Variants in PTPRD observed in about 807,000 individuals in gnomAD.
PTPRD encodes receptor-type tyrosine-protein phosphatase delta.
PTPRD carries 34 observed loss-of-function variants against 214.5 expected under a neutral mutation model. The observed-to-expected ratio is 0.16, with a 90% CI of 0.12 to 0.21. The LOEUF (loss-of-function observed/expected upper bound fraction) is 0.21, where lower values mean the gene tolerates loss of function less well. PTPRD is among the 10% of genes least tolerant of loss of function. PTPRD has a pLI of 1.00. For synonymous variants in PTPRD, 1,128 were observed against 845.7 expected (o/e 1.33, Z -5.79); for missense variants, 2,545 against 2,398.7 (o/e 1.06, Z -1.27).
chr9:9,696,542 A>G (rs145846847), intron 7 of PTPRD, among the ~76,000 whole-genome samples: 1 of 152,214 alleles, frequency 6.6e-6, no homozygotes, highest in African/African-American at 2.4e-5. Context: ...TCATCCTTTT[A>G]TCATTATGTA....
Position 9,674,113 on chromosome 9 carries a change from T to C in PTPRD, c.-287+60420A>G, listed in dbSNP as rs550669217. Among the ~76,000 whole-genome samples the C allele has an allele frequency of 3.2e-4, 49 of 151,924 alleles. No homozygotes were observed. In the South Asian group the frequency reaches 3.5e-3, roughly 11 times the overall value. ...AATTCATAAATATGTAGATAAATAC[T>C]GTCTGTGTAAAATAGTATATTTGAT... On this transcript the variant is annotated intron_variant, in intron 7 of 45. Coordinates refer to ENST00000381196, the MANE Select transcript of PTPRD (RefSeq NM_002839.4).
chr9:9,886,226 A>G (rs371777690), intron 5 of PTPRD, among the ~76,000 whole-genome samples: 174 of 152,224 alleles, frequency 1.1e-3, no homozygotes, highest in South Asian at 7.9e-3. Flanking sequence ...GTCTGGCTGC[A>G]TATCAGAATT....
intron 5 of PTPRD, among the ~76,000 whole-genome samples, chr9:9,904,234 G>A (rs1209920892): frequency 6.6e-6 from 1 of 152,004 alleles, no homozygotes; most frequent in Non-Finnish European, 1.5e-5. Flanking sequence ...CCAAACGTTT[G>A]ATGAACTACA....
At chr9:9,838,446 T>C (rs2057428208) in intron 5 of PTPRD, among the ~76,000 whole-genome samples, 1 of 152,142 alleles carries the variant, frequency 6.6e-6, no homozygotes, top group African/African-American at 2.4e-5. Context: ...TCCTGACTTT[T>C]TAATGATTGC....
intron 39 of PTPRD, among the ~76,000 whole-genome samples, chr9:8,362,130 G>A (rs2078659193): frequency 6.6e-6 from 1 of 152,214 alleles, no homozygotes; most frequent in Non-Finnish European, 1.5e-5. Flanking sequence ...TGACTTACAT[G>A]TAGAATTATT....
intron 13 of PTPRD, among the ~76,000 whole-genome samples, chr9:8,635,176 C>T (rs1195869075): frequency 2.0e-5 from 3 of 149,686 alleles, no homozygotes; most frequent in Non-Finnish European, 4.4e-5. Context: ...ATTCATTTAC[C>T]CCAAAGGTGT....
At chr9:8,694,835 C>A (rs1231193983) in intron 12 of PTPRD, among the ~76,000 whole-genome samples, 1 of 151,892 alleles carries the variant, frequency 6.6e-6, no homozygotes, top group Non-Finnish European at 1.5e-5. Context: ...CTTTGTTGTT[C>A]TCTTTCTTAC....
chr9:10,436,317 GCA>G (rs1012816715), intron 2 of PTPRD, among the ~76,000 whole-genome samples: 2 of 151,554 alleles, frequency 1.3e-5, no homozygotes, highest in African/African-American at 4.8e-5. Flanking sequence ...GTCCACATTA[GCA>G]TTAGAAATAA....
chr9:9,914,588 G>C (rs531219543), intron 5 of PTPRD, among the ~76,000 whole-genome samples: 7 of 152,240 alleles, frequency 4.6e-5, no homozygotes, highest in African/African-American at 1.7e-4. Flanking sequence ...GAACAGCTGA[G>C]GGCCTGCGTT....
intron 12 of PTPRD, among the ~76,000 whole-genome samples, chr9:8,653,627 C>G (rs933173597): frequency 1.3e-5 from 2 of 152,134 alleles, no homozygotes; most frequent in African/African-American, 2.4e-5. Context: ...TCTACAGCCT[C>G]AACTATACCC....
intron 11 of PTPRD, among the ~76,000 whole-genome samples, chr9:8,855,196 T>A (rs891641433): frequency 6.6e-6 from 1 of 151,934 alleles, no homozygotes; most frequent in African/African-American, 2.4e-5. Flanking sequence ...ACCTCCTGGA[T>A]ATAAGAACAG....
At chr9:9,846,985 T>TA (rs2059657195) in intron 5 of PTPRD, among the ~76,000 whole-genome samples, 1 of 152,050 alleles carries the variant, frequency 6.6e-6, no homozygotes, top group Admixed American at 6.6e-5. Context: ...AAAATATATA[T>TA]TTTTTTGAGT....
chr9:10,024,900 G>T (rs959535331), intron 4 of PTPRD, among the ~76,000 whole-genome samples: 1 of 150,860 alleles, frequency 6.6e-6, no homozygotes, highest in Admixed American at 6.6e-5. Flanking sequence ...CTGTCCGTGC[G>T]ATAGTTTGCT....
chr9:8,659,823 C>G (rs1008576271), intron 12 of PTPRD, among the ~76,000 whole-genome samples: 1 of 152,130 alleles, frequency 6.6e-6, no homozygotes. Flanking sequence ...TCAACGTTCT[C>G]TAAATTATTA....
rs969648345 is a variant in PTPRD, at chr9:10,387,652, T to C, written c.-599-46635A>G. Among the ~76,000 whole-genome samples, 2 of 151,906 alleles carry C rather than the reference T, an allele frequency of 1.3e-5. 1 individual carries two copies. Among genetic ancestry groups the C allele is most frequent in the South Asian group, 4.1e-4 (2 of 4,820 alleles). ...ATTACTTAAACCATACTTTGTGTCA[T>C]TGTACAATTCACTCTGAGAACTTGG... On this transcript the variant is annotated intron_variant, in intron 2 of 45. Coordinates refer to ENST00000381196, the MANE Select transcript of PTPRD (RefSeq NM_002839.4).
chr9:10,268,040 G>C (rs1033525124), intron 3 of PTPRD, among the ~76,000 whole-genome samples: 1 of 151,480 alleles, frequency 6.6e-6, no homozygotes, highest in African/African-American at 2.4e-5. Context: ...CAGTACTTTG[G>C]GATGCTGTGG....
chr9:10,257,160 T>C (rs2093345669), intron 3 of PTPRD, among the ~76,000 whole-genome samples: 2 of 152,234 alleles, frequency 1.3e-5, no homozygotes, highest in South Asian at 4.1e-4. Flanking sequence ...GATAAATTAA[T>C]GACTGAAGAA....
At chr9:9,328,618 C>CTTTTTTTTTTTTTTTTTGTTTTTTT (rs2041041141) in intron 9 of PTPRD, among the ~76,000 whole-genome samples, 1 of 28,214 alleles carries the variant, frequency 3.5e-5, no homozygotes, top group Non-Finnish European at 6.5e-5. Context: ...GTTGTTCTTG[C>CTTTTTTTTTTTTTTTTTGTTTTTTT]TTTTTTTTTT....
At chr9:10,322,148 C>G (rs2096564373) in intron 3 of PTPRD, among the ~76,000 whole-genome samples, 1 of 151,970 alleles carries the variant, frequency 6.6e-6, no homozygotes, top group African/African-American at 2.4e-5. Context: ...AATATTTGAT[C>G]AGCTTGTGAA....
Sources: allele counts gnomAD v4.1 joint callset (sites outside exome capture counted in the v4.1 genomes callset), GRCh38; gene constraint gnomAD v4.1.1; transcripts MANE v1.5; gene names NCBI Gene and HGNC (gene_info 2026-07-23, HGNC 2026-07-21).